SPRY3: variants seen among roughly 807,000 people sequenced by gnomAD.
The protein encoded by SPRY3 is sprouty RTK signaling antagonist 3, also known as protein sprouty homolog 3.
Under a neutral mutation model 20.2 loss-of-function variants are expected in SPRY3, and 15 were observed. The observed-to-expected ratio is 0.74, with a 90% CI of 0.50 to 1.14. The LOEUF is 1.14. Among genes scored for constraint, SPRY3 ranks in the 50% most tolerant of loss-of-function variants. The probability of loss-of-function intolerance (pLI) is 0.00; values close to 1 mark genes in which losing one functional copy is unlikely to be tolerated. For missense variants in SPRY3, 364 were observed against 363.9 expected (o/e 1.00, Z 0.00); for synonymous variants, 143 against 136.5 (o/e 1.05, Z -0.33).
At chrX:155,678,596 G>A (rs1190321961) in intron 2 of SPRY3, among the ~76,000 whole-genome samples, 2 of 111,617 alleles carry the variant, frequency 1.8e-5, no homozygotes, top group Non-Finnish European at 3.8e-5. Flanking sequence ...AAAGAAGAGG[G>A]GAGGAATAAC....
At chrX:155,733,046 G>T (rs1278693249) in intron 2 of SPRY3, among the ~76,000 whole-genome samples, 1 of 151,666 alleles carries the variant, frequency 6.6e-6, no homozygotes, top group Non-Finnish European at 1.5e-5. Context: ...ATGGTTAATG[G>T]GTACAAAACA....
At chrX:155,725,857 C>A (rs1039846768) in intron 2 of SPRY3, among the ~76,000 whole-genome samples, 1 of 152,090 alleles carries the variant, frequency 6.6e-6, no homozygotes, top group Non-Finnish European at 1.5e-5. Context: ...TTGCCTTCTG[C>A]TAGCATTTGA....
intron 2 of SPRY3, among the ~76,000 whole-genome samples, chrX:155,685,075 C>A (rs1015886649): frequency 2.7e-5 from 3 of 111,846 alleles, no homozygotes; most frequent in Non-Finnish European, 5.6e-5. Context: ...TCATGGATTT[C>A]TTTGGGTTTA....
At chrX:155,667,640 AGTT>A (rs1250530273) in intron 2 of SPRY3, among the ~76,000 whole-genome samples, 3 of 111,050 alleles carry the variant, frequency 2.7e-5, no homozygotes, top group Admixed American at 9.6e-5. Context: ...TGTGTGTAGT[AGTT>A]CTTTTCATCA....
At chrX:155,649,850 G>A (rs989149444) in intron 1 of SPRY3, among the ~76,000 whole-genome samples, 21 of 111,346 alleles carry the variant, frequency 1.9e-4, no homozygotes, top group African/African-American at 6.9e-4. Context: ...CACATGACAT[G>A]ACTTTATATT....
At chrX:155,692,206 T>A (rs2124575044) in intron 2 of SPRY3, among the ~76,000 whole-genome samples, 1 of 111,070 alleles carries the variant, frequency 9.0e-6, no homozygotes, top group African/African-American at 3.3e-5. Flanking sequence ...TTTAGCTCCC[T>A]GGTTGATTTT....
At chrX:155,708,232 T>C (rs1192453704) in intron 2 of SPRY3, among the ~76,000 whole-genome samples, 1 of 151,328 alleles carries the variant, frequency 6.6e-6, no homozygotes, top group Admixed American at 6.6e-5. Flanking sequence ...TCACTCTTTG[T>C]TTATGTGACA....
downstream of SPRY3, chrX:155,778,123 G>A (rs758981978): frequency 3.0e-5 from 5 of 167,110 alleles, no homozygotes; most frequent in South Asian, 1.0e-3. Flanking sequence ...GGTAACAATT[G>A]TAAATGGTAG....
chrX:155,704,846 C>A (rs963966136), intron 2 of SPRY3, among the ~76,000 whole-genome samples: 2 of 151,358 alleles, frequency 1.3e-5, no homozygotes, highest in African/African-American at 4.8e-5. Context: ...CAAGTCAGGA[C>A]ACAATGGAAT....
At chrX:155,632,243 ACACG>A (rs1389799799) in intron 1 of SPRY3, among the ~76,000 whole-genome samples, 4 of 110,091 alleles carry the variant, frequency 3.6e-5, no homozygotes, top group African/African-American at 1.3e-4. Flanking sequence ...ACACACACAC[ACACG>A]CACACACACA....
intron 1 of SPRY3, among the ~76,000 whole-genome samples, chrX:155,634,906 A>G (rs1172432294): frequency 9.2e-6 from 1 of 108,130 alleles, no homozygotes; most frequent in Non-Finnish European, 1.9e-5. Flanking sequence ...TATAAAGTAT[A>G]TAAAGAGTTC....
At chrX:155,755,883 G>T (rs1050254627) in intron 2 of SPRY3, among the ~76,000 whole-genome samples, 1 of 151,994 alleles carries the variant, frequency 6.6e-6, no homozygotes, top group African/African-American at 2.4e-5. Flanking sequence ...ATAGAAAGGA[G>T]AAGAAAGTTA....
chrX:155,734,960 ATCTT>A (rs779876729), intron 2 of SPRY3, among the ~76,000 whole-genome samples: 86 of 151,748 alleles, frequency 5.7e-4, no homozygotes, highest in African/African-American at 1.8e-3. Context: ...TTGATTTTAT[ATCTT>A]TCTTTCTAAT....
rs769887332 is a variant in SPRY3 at position 155,770,760 on chromosome X, G to A, written c.-107+2624G>A. ...GGATTTCTGAATCATAAACATTCAC[G>A]TAGTGGTACTTTTTCATCTAGCCTA... On this transcript the variant is annotated intron_variant, in intron 3 of 3. Coordinates refer to ENST00000675360, the Ensembl canonical transcript of SPRY3. 7.2e-5 allele frequency among the ~76,000 whole-genome samples: 11 copies of A among 151,938 alleles called. No individual in the cohort carries two copies. In the South Asian group the frequency reaches 1.5e-3, roughly 20 times the overall value.
intron 2 of SPRY3, among the ~76,000 whole-genome samples, chrX:155,751,195 A>G (rs2091260580): frequency 6.6e-6 from 1 of 151,852 alleles, no homozygotes; most frequent in Admixed American, 6.6e-5. Context: ...TTGTGTAAGT[A>G]GTATAGCTAT....
chrX:155,693,343 C>T (rs192369281), intron 2 of SPRY3, among the ~76,000 whole-genome samples: 665 of 111,557 alleles, frequency 6.0e-3, no homozygotes, highest in Non-Finnish European at 9.8e-3. Context: ...AGAGAACATC[C>T]TCTGCATAGT....
At chrX:155,632,800 GA>G (rs1331434438) in intron 1 of SPRY3, among the ~76,000 whole-genome samples, 3 of 111,897 alleles carry the variant, frequency 2.7e-5, no homozygotes, top group Non-Finnish European at 5.6e-5. Context: ...CAGAGCAAAG[GA>G]GCATGGATAC....
chrX:155,667,359 A>G (rs2068027727), intron 2 of SPRY3, among the ~76,000 whole-genome samples: 1 of 111,053 alleles, frequency 9.0e-6, no homozygotes, highest in African/African-American at 3.3e-5. Flanking sequence ...AAGATACAGG[A>G]CAAATAGGGG....
intron 1 of SPRY3, among the ~76,000 whole-genome samples, chrX:155,623,894 T>C (rs2067879141): frequency 8.9e-6 from 1 of 112,234 alleles, no homozygotes; most frequent in Non-Finnish European, 1.9e-5. Flanking sequence ...TTAGGCAAGT[T>C]ACTTAACCTC....
Sources: allele counts gnomAD v4.1 joint callset (sites outside exome capture counted in the v4.1 genomes callset), GRCh38; gene constraint gnomAD v4.1.1; transcripts MANE v1.5; gene names NCBI Gene and HGNC (gene_info 2026-07-23, HGNC 2026-07-21).